SATL1: variants seen among roughly 807,000 people sequenced by gnomAD.
SATL1 encodes the protein spermidine/spermine N(1)-acetyltransferase-like protein 1.
A neutral mutation model predicts 51.8 loss-of-function variants in SATL1; 47 were observed. The ratio of observed to expected loss-of-function variants is 0.91; its 90% confidence interval spans 0.72 to 1.16. SATL1 has a LOEUF of 1.16. Ranked by LOEUF, SATL1 falls within the 50% of genes most tolerant of loss-of-function variation. The pLI is 0.00. For synonymous variants in SATL1, 176 were observed against 182.4 expected (o/e 0.97, Z 0.28); for missense variants, 520 against 526.4 (o/e 0.99, Z 0.12).
At chrX:85,183,179 T>C (rs1927243643) in intron 2 of SATL1, among the ~76,000 whole-genome samples, 1 of 111,399 alleles carries the variant, frequency 9.0e-6, no homozygotes, top group South Asian at 3.7e-4. Flanking sequence ...ATTTCCCTTA[T>C]TTTTTTAACT....
chrX:85,123,794 G>C (rs1248922357), intron 2 of SATL1, among the ~76,000 whole-genome samples: 1 of 111,112 alleles, frequency 9.0e-6, no homozygotes, highest in Non-Finnish European at 1.9e-5. Context: ...CCTACTCCTG[G>C]TTTCCCTGTC....
chrX:85,106,298 A>G (rs1273166198), intron 3 of SATL1, among the ~76,000 whole-genome samples: 2 of 111,492 alleles, frequency 1.8e-5, no homozygotes, highest in African/African-American at 6.5e-5. Context: ...AATGTAAGCC[A>G]TAAAAGGATA....
At chrX:85,194,881 G>A (rs1927520498) in intron 2 of SATL1, among the ~76,000 whole-genome samples, 1 of 101,270 alleles carries the variant, frequency 9.9e-6, no homozygotes, top group Non-Finnish European at 2.0e-5. Context: ...CGGGGGGTGG[G>A]AGGGTAGGGG....
At chrX:85,184,594 A>G (rs1003848615) in intron 2 of SATL1, among the ~76,000 whole-genome samples, 9 of 111,998 alleles carry the variant, frequency 8.0e-5, no homozygotes, top group Non-Finnish European at 1.7e-4. Flanking sequence ...TGCTGAATCA[A>G]TTCTGAAGTT....
chrX:85,100,030 AC>A (rs1569463982), intron 4 of SATL1, among the ~76,000 whole-genome samples: 1 of 112,189 alleles, frequency 8.9e-6, no homozygotes, highest in African/African-American at 3.2e-5. Context: ...ACATGGTGAA[AC>A]CCCATCTCTA....
chrX:85,119,880 AC>A (rs1451555421), intron 2 of SATL1, among the ~76,000 whole-genome samples: 1 of 111,878 alleles, frequency 8.9e-6, no homozygotes, highest in East Asian at 2.8e-4. Flanking sequence ...TATTTTAATA[AC>A]CAAGAATAAA....
chrX:85,215,526 G>T (rs1928024452), intron 2 of SATL1, among the ~76,000 whole-genome samples: 1 of 111,768 alleles, frequency 8.9e-6, no homozygotes, highest in African/African-American at 3.3e-5. Flanking sequence ...TTTACTCCCA[G>T]ATAATATTGT....
chrX:85,177,631 T>C (rs1927109980), intron 2 of SATL1, among the ~76,000 whole-genome samples: 1 of 111,837 alleles, frequency 8.9e-6, no homozygotes, highest in Non-Finnish European at 1.9e-5. Flanking sequence ...TGGTTATTTT[T>C]TAAATGTTTG....
chrX:85,215,925 G>A (rs1476953856), intron 2 of SATL1, among the ~76,000 whole-genome samples: 4 of 111,982 alleles, frequency 3.6e-5, no homozygotes, highest in African/African-American at 1.3e-4. Context: ...TTATAGCAAT[G>A]CCCCACCCTT....
At chrX:85,226,915 A>G (rs1928286189) in intron 1 of SATL1, among the ~76,000 whole-genome samples, 1 of 111,071 alleles carries the variant, frequency 9.0e-6, no homozygotes, top group African/African-American at 3.3e-5. Flanking sequence ...TTTTACAGTA[A>G]CTTATCATTC....
chrX:85,147,790 C>G (rs915281450), intron 2 of SATL1, among the ~76,000 whole-genome samples: 2 of 112,076 alleles, frequency 1.8e-5, no homozygotes, highest in African/African-American at 6.5e-5. Flanking sequence ...AACTAACAAA[C>G]AGAAAGGACA....
intron 2 of SATL1, among the ~76,000 whole-genome samples, chrX:85,125,585 T>C (rs930134673): frequency 9.2e-6 from 1 of 108,324 alleles, no homozygotes; most frequent in Non-Finnish European, 1.9e-5. Flanking sequence ...TCCATTGCCT[T>C]ATGTAAATGG....
intron 1 of SATL1, among the ~76,000 whole-genome samples, chrX:85,232,633 G>A (rs767873534): frequency 2.5e-3 from 277 of 111,039 alleles, no homozygotes; most frequent in Middle Eastern, 0.014. Flanking sequence ...GGCCTTGAGC[G>A]AACATTGGTG....
chrX:85,103,041 C>G (rs1336651458), intron 4 of SATL1, among the ~76,000 whole-genome samples: 1 of 111,298 alleles, frequency 9.0e-6, no homozygotes, highest in Non-Finnish European at 1.9e-5. Context: ...CTTACTATTT[C>G]TTTTAAGCCA....
chrX:85,134,358 G>GA (rs1925896849), intron 2 of SATL1, among the ~76,000 whole-genome samples: 1 of 111,663 alleles, frequency 9.0e-6, no homozygotes, highest in Non-Finnish European at 1.9e-5. Context: ...CAACCTTGCA[G>GA]ATTAAATTGA....
At chrX:85,145,042 A>C (rs902821220) in intron 2 of SATL1, among the ~76,000 whole-genome samples, 1 of 110,091 alleles carries the variant, frequency 9.1e-6, no homozygotes, top group Non-Finnish European at 1.9e-5. Flanking sequence ...TCTCAAAAAA[A>C]AATAAAATAA....
At chrX:85,131,286 C>G (rs1053226998) in intron 2 of SATL1, among the ~76,000 whole-genome samples, 5 of 111,312 alleles carry the variant, frequency 4.5e-5, no homozygotes, top group African/African-American at 1.6e-4. Context: ...GGGTCTAAGT[C>G]TCTTCGTAAG....
intron 2 of SATL1, among the ~76,000 whole-genome samples, chrX:85,189,840 T>C (rs1294847363): frequency 1.8e-5 from 2 of 112,054 alleles, no homozygotes; most frequent in African/African-American, 3.2e-5. Context: ...GAAAAGAAAC[T>C]TCTTGTCTCT....
chrX:85,151,249 C>A (rs1321389842), intron 2 of SATL1, among the ~76,000 whole-genome samples: 1 of 110,377 alleles, frequency 9.1e-6, no homozygotes, highest in African/African-American at 3.3e-5. Context: ...CCTAGGAATC[C>A]AACTTACAAG....
Sources: gnomAD v4.1 joint callset for allele counts (sites outside exome capture counted in the v4.1 genomes callset) on GRCh38, gnomAD v4.1.1 for gene constraint, MANE v1.5 for transcripts, NCBI Gene and HGNC (gene_info 2026-07-23, HGNC 2026-07-21) for gene names.